The following SENP6 variants were observed in gnomAD, a reference collection of about 807,000 sequenced individuals.
The protein encoded by SENP6 is SUMO specific peptidase 6, also known as sentrin-specific protease 6.
SENP6 carries 41 observed loss-of-function variants against 134.5 expected under a neutral mutation model. The ratio of observed to expected loss-of-function variants is 0.30; its 90% CI spans 0.24 to 0.40. The LOEUF (loss-of-function observed/expected upper bound fraction) is 0.40. Ranked by LOEUF, SENP6 falls within the 10% of genes least tolerant of loss-of-function variation. The probability of loss-of-function intolerance (pLI) is 1.00; values close to 1 mark genes in which losing one functional copy is unlikely to be tolerated. For synonymous variants in SENP6, 395 were observed against 429.8 expected (o/e 0.92, Z 1.00); for missense variants, 1,248 against 1,312.5 (o/e 0.95, Z 0.76).
At chr6:75,682,363 C>T (rs1773522757) in intron 16 of SENP6, among the ~76,000 whole-genome samples, 1 of 151,794 alleles carries the variant, frequency 6.6e-6, no homozygotes, top group African/African-American at 2.4e-5. Context: ...AACTCGACAA[C>T]ACCATCAACC....
chr6:75,681,181 T>C (rs1773438464), intron 16 of SENP6, among the ~76,000 whole-genome samples: 1 of 152,206 alleles, frequency 6.6e-6, no homozygotes, highest in Non-Finnish European at 1.5e-5. Context: ...AGGGGCCTTG[T>C]GGGAGGTGAT....
chr6:75,685,767 T>C (rs1773794960), intron 16 of SENP6, among the ~76,000 whole-genome samples: 2 of 152,198 alleles, frequency 1.3e-5, no homozygotes. Flanking sequence ...AGACAGTTTG[T>C]TGTGATTTCT....
intron 16 of SENP6, chr6:75,679,224 G>A: frequency 4.2e-6 from 1 of 235,926 alleles, no homozygotes. Context: ...GACCAGCCTG[G>A]GAAACAAAGT....
intron 1 of SENP6, 28 bp from the exon 2 acceptor site, chr6:75,621,504 T>G: frequency 7.8e-7 from 1 of 1,286,044 alleles, no homozygotes; most frequent in Non-Finnish European, 1.1e-6. Context: ...TATTAATGAA[T>G]ACTTACTGCA....
intron 16 of SENP6, among the ~76,000 whole-genome samples, chr6:75,694,982 C>G (rs1351539153): frequency 2.6e-5 from 4 of 151,966 alleles, no homozygotes. Context: ...TCAAGTGATT[C>G]TCCCACCTCA....
At chr6:75,659,458 T>C (rs1365510343) in intron 8 of SENP6, 51 bp downstream of exon 8, 1 of 1,483,148 alleles carries the variant, frequency 6.7e-7, no homozygotes, top group South Asian at 1.2e-5. Context: ...TTTTGATTAA[T>C]ATTAGTTTCA....
chr6:75,611,309 A>T (rs1390880482), intron 1 of SENP6: 1 of 152,146 alleles, frequency 6.6e-6, no homozygotes, highest in East Asian at 1.9e-4. Context: ...TAACCACAGG[A>T]GATATAAAAG....
At chr6:75,664,992 A>G (rs1361590378) in intron 9 of SENP6, among the ~76,000 whole-genome samples, 1 of 152,212 alleles carries the variant, frequency 6.6e-6, no homozygotes, top group Non-Finnish European at 1.5e-5. Context: ...TTGGGTTATC[A>G]AAGTGATATT....
intron 1 of SENP6, among the ~76,000 whole-genome samples, chr6:75,619,047 TTTTA>T (rs929081282): frequency 1.3e-5 from 2 of 152,038 alleles, no homozygotes; most frequent in African/African-American, 4.8e-5. Flanking sequence ...AAAAGCAGTT[TTTTA>T]TTGTGGTATA....
At chr6:75,712,840 C>T (rs1158188790) in intron 21 of SENP6, among the ~76,000 whole-genome samples, 1 of 152,118 alleles carries the variant, frequency 6.6e-6, no homozygotes, top group Non-Finnish European at 1.5e-5. Context: ...CGCAGTAGCA[C>T]ATGCCTATAA....
intron 18 of SENP6, chr6:75,697,866 A>C (rs1342994670): frequency 5.9e-6 from 1 of 169,806 alleles, no homozygotes; most frequent in Non-Finnish European, 1.3e-5. Context: ...AGGAATTGGA[A>C]TCTTAAGTTT....
At chr6:75,632,390 C>T (rs1324871027) in intron 3 of SENP6, among the ~76,000 whole-genome samples, 1 of 152,146 alleles carries the variant, frequency 6.6e-6, no homozygotes, top group African/African-American at 2.4e-5. Flanking sequence ...AAACTCTAGG[C>T]TTGCCAATAA....
chr6:75,715,242 T>G, intron 23 of SENP6, 143 bp from the exon 24 acceptor site: 1 of 642,592 alleles, frequency 1.6e-6, no homozygotes, highest in East Asian at 2.7e-5. Context: ...CCTAACACAG[T>G]ACTTGGCATG....
chr6:75,611,665 TTG>T (rs1767460441), intron 1 of SENP6: 1 of 152,224 alleles, frequency 6.6e-6, no homozygotes, highest in African/African-American at 2.4e-5. Context: ...CTTTAGAAGT[TTG>T]TGTGCTTCAG....
chr6:75,647,764 A>T lies in SENP6; in HGVS notation c.513A>T (p.Glu171Asp). 6.2e-7 allele frequency: 1 copy of T among 1,612,976 alleles called. No individual in the cohort carries two copies. Among genetic ancestry groups the T allele is most frequent in the African/African-American group, 1.3e-5 (1 of 75,014 alleles). ...KEYPPHVQKV[E>D]INPVRLSRLQ... is the part of the protein sequence containing the mutation. Reference sequence around the variant, plus strand: ...ACCCACCTCATGTCCAAAAAGTTGAAATTAATCCTGTAAGGTTAAGTCGGC... The same window carrying T: ...ACCCACCTCATGTCCAAAAAGTTGATATTAATCCTGTAAGGTTAAGTCGGC... The change falls in exon 7 of 24, where the codon GAA (glutamate) becomes GAT (aspartate). Residue 171 changes from glutamate to aspartate, a missense_variant. Around this residue, in one of 3 missense-constraint regions of SENP6, gnomAD observed 733 missense variants for 725.4 expected, o/e 1.01. Coordinates refer to ENST00000447266, the MANE Select transcript of SENP6 (RefSeq NM_015571.4).
chr6:75,670,401 T>C (rs1772577534), intron 10 of SENP6, 152 bp from the exon 11 acceptor site: 1 of 508,776 alleles, frequency 2.0e-6, no homozygotes, highest in East Asian at 3.1e-5. Flanking sequence ...ATAAAAACCA[T>C]GAATTTTAAT....
At chr6:75,703,431 T>TAAAC (rs1020066557) in intron 19 of SENP6, among the ~76,000 whole-genome samples, 137 of 152,316 alleles carry the variant, frequency 9.0e-4, no homozygotes, top group African/African-American at 3.0e-3. Flanking sequence ...TTGATAAATG[T>TAAAC]ATACATAGAG....
At chr6:75,668,993 T>C (rs546775420) in intron 10 of SENP6, among the ~76,000 whole-genome samples, 8 of 152,184 alleles carry the variant, frequency 5.3e-5, no homozygotes, top group Admixed American at 3.9e-4. Flanking sequence ...TTTGAAGATA[T>C]AACTCTACAG....
Position 75,663,516 on chromosome 6 carries a change from C to G in SENP6, c.992C>G (p.Pro331Arg). 1 of 1,603,304 alleles carries G rather than the reference C, an allele frequency of 6.2e-7. No individual in the cohort carries two copies. Among genetic ancestry groups the G allele is most frequent in the Non-Finnish European group, 8.5e-7 (1 of 1,177,658 alleles). Residue 331 changes from proline (P) to arginine (R), a missense_variant and splice_region_variant, in exon 9 of 24, where the codon CCA becomes CGA. Around this residue, in one of 3 missense-constraint regions of SENP6, gnomAD observed 733 missense variants for 725.4 expected, o/e 1.01. Coordinates refer to ENST00000447266, the MANE Select transcript of SENP6 (RefSeq NM_015571.4). ...RKTSLSDLND[P>R]IILSSDDDDD... Reference sequence around the variant, plus strand: ...ACAAGTTTGTCAGACCTAAATGATCCAAGTAAGTATTTTACTCCCTTTAAT... The same window carrying G: ...ACAAGTTTGTCAGACCTAAATGATCGAAGTAAGTATTTTACTCCCTTTAAT...
Sources: gnomAD v4.1 joint callset for allele counts (sites outside exome capture counted in the v4.1 genomes callset) on GRCh38, gnomAD v4.1.1 for gene constraint, gnomAD v4.1.1 regional missense constraint, MANE v1.5 for transcripts, NCBI Gene and HGNC (gene_info 2026-07-23, HGNC 2026-07-21) for gene names.